The following KIDINS220 variants were observed in gnomAD, a reference collection of about 807,000 sequenced individuals.
The protein encoded by KIDINS220 is kinase D interacting substrate 220, also known as kinase D-interacting substrate of 220 kDa.
Under a neutral mutation model 157.6 loss-of-function variants are expected in KIDINS220, and 63 were observed. The observed-to-expected ratio is 0.40, with a 90% CI of 0.33 to 0.49. KIDINS220 has a LOEUF of 0.49. KIDINS220 is among the 20% of genes least tolerant of loss of function. The pLI is 0.66. For synonymous variants in KIDINS220, 732 were observed against 783.6 expected, an observed-to-expected ratio of 0.93 and a Z score of 1.10; for missense variants, 1,772 against 2,171.2, an observed-to-expected ratio of 0.82 and a Z score of 3.65.
chr2:8,747,664 A>G (rs897484293), intron 25 of KIDINS220: 18 of 386,492 alleles, frequency 4.7e-5, no homozygotes, highest in Non-Finnish European at 8.2e-5. Flanking sequence ...TTCTGGCTAT[A>G]AACAAGTCAA....
chr2:8,759,694 C>T (rs955932931), intron 22 of KIDINS220, among the ~76,000 whole-genome samples: 14 of 151,520 alleles, frequency 9.2e-5, no homozygotes, highest in African/African-American at 1.5e-4. Context: ...ATGTCTACGA[C>T]GTCGAATGTT....
chr2:8,808,806 G>A (rs937521165), intron 6 of KIDINS220, among the ~76,000 whole-genome samples: 3 of 152,074 alleles, frequency 2.0e-5, no homozygotes, highest in African/African-American at 7.2e-5. Context: ...TCTCATGTGG[G>A]TCTCTCCTGT....
intron 21 of KIDINS220, 27 bp downstream of exon 21, chr2:8,776,721 T>C: frequency 6.2e-7 from 1 of 1,600,748 alleles, no homozygotes; most frequent in Non-Finnish European, 8.5e-7. Context: ...TTATTAACTA[T>C]CATAGACAAT....
Position 8,789,947 on chromosome 2 carries a change from G to A in KIDINS220, c.1554C>T (p.Phe518=). The change falls in exon 14 of 30, where the codon TTC becomes TTT. Residue 518 remains phenylalanine, a synonymous_variant. Transcript: ENST00000256707. Reference sequence around the variant, plus strand: ...CTATTCCAAGATTTGGGTGGACCGTGAAGGCAAACAATAAACCAAGCCCTC... The same window carrying A: ...CTATTCCAAGATTTGGGTGGACCGTAAAGGCAAACAATAAACCAAGCCCTC... ...LCGGLGLLFA[F]TVHPNLGIAV... is the part of the protein sequence containing the mutation. 6.2e-7 allele frequency: 1 copy of A among 1,614,004 alleles called. No individual in the cohort carries two copies. Among genetic ancestry groups the A allele is most frequent in the Non-Finnish European group, 8.5e-7 (1 of 1,179,962 alleles).
chr2:8,793,423 G>A (rs1673474134), intron 12 of KIDINS220, among the ~76,000 whole-genome samples: 1 of 152,158 alleles, frequency 6.6e-6, no homozygotes, highest in Non-Finnish European at 1.5e-5. Context: ...TTAAGCCCAG[G>A]AATTTGAGGT....
chr2:8,794,210 G>C (rs1673598566), intron 11 of KIDINS220: 1 of 350,228 alleles, frequency 2.9e-6, no homozygotes, highest in African/African-American at 2.1e-5. Context: ...CAGCCCTCTA[G>C]AATGAAGGTC....
At chr2:8,817,028 T>C (rs926555917) in intron 4 of KIDINS220, among the ~76,000 whole-genome samples, 2 of 152,162 alleles carry the variant, frequency 1.3e-5, no homozygotes, top group Non-Finnish European at 2.9e-5. Flanking sequence ...TTTTCTTCCT[T>C]CCTTCTACTG....
rs1419810406 is a variant in KIDINS220, at chr2:8,731,008, C to T, written c.5028G>A (p.Leu1676=). ...GAGTCACGGTGCTGGGAGTTCGGTT[C>T]AGGTTGTAGGCTTTCTGGCATGCAG... ...NWPACQKAYN[L]NRTPSTVTLN... The change falls in exon 30 of 30, where the codon CTG becomes CTA. Residue 1676 remains leucine (L), a synonymous_variant. Coordinates refer to ENST00000256707, the MANE Select transcript of KIDINS220 (RefSeq NM_020738.4). This position sits in a 1 kb window ranked among gnomAD's most constrained non-coding sequence, Gnocchi z 5.2. The T allele has an allele frequency of 3.1e-6, 5 of 1,614,166 alleles. No homozygotes were observed. In the South Asian group the frequency reaches 3.3e-5, roughly 11 times the overall value.
intron 1 of KIDINS220, among the ~76,000 whole-genome samples, chr2:8,837,009 A>ACAATGGAG (rs1680509987): frequency 6.6e-6 from 1 of 152,188 alleles, no homozygotes; most frequent in Non-Finnish European, 1.5e-5. Flanking sequence ...CCTGCACAGG[A>ACAATGGAG]CAATGGAGCA....
At chr2:8,817,052 T>G (rs914656801) in intron 4 of KIDINS220, among the ~76,000 whole-genome samples, 1 of 152,168 alleles carries the variant, frequency 6.6e-6, no homozygotes, top group East Asian at 1.9e-4. Context: ...AAATCAACTT[T>G]TAAAAGGGCT....
intron 9 of KIDINS220, among the ~76,000 whole-genome samples, chr2:8,799,146 TC>T (rs1487020627): frequency 6.6e-6 from 1 of 152,076 alleles, no homozygotes; most frequent in Non-Finnish European, 1.5e-5. Context: ...ATGCCTACCA[TC>T]CCACTGCCCA....
chr2:8,731,695 C>T lies in KIDINS220; in HGVS notation c.4341G>A (p.Arg1447=), dbSNP rs1664122411. 6.2e-7 allele frequency: 1 copy of T among 1,614,074 alleles called. No homozygotes were observed. The highest frequency in any genetic ancestry group is 1.7e-5 in the Admixed American group (1 of 60,004). ...KDSEPKPDDG[R]KSFLMKRGDV... is the part of the protein sequence containing the mutation. ...CTCCCCTCTTCATTAGAAAGGACTTCCTCCCATCATCGGGCTTTGGTTCAC... is the reference window on the plus strand; with the variant it reads ...CTCCCCTCTTCATTAGAAAGGACTTTCTCCCATCATCGGGCTTTGGTTCAC... The change falls in exon 30 of 30, where the codon AGG becomes AGA. Residue 1447 remains arginine, a synonymous_variant. Transcript: ENST00000256707. The surrounding 1 kb of genome is among the most constrained non-coding windows in gnomAD (Gnocchi z 5.2).
intron 27 of KIDINS220, 65 bp downstream of exon 27, chr2:8,736,803 A>G: frequency 1.9e-6 from 3 of 1,563,414 alleles, no homozygotes; most frequent in Non-Finnish European, 2.6e-6. Flanking sequence ...AGTTTACACG[A>G]CCCACACAGT....
intron 1 of KIDINS220, among the ~76,000 whole-genome samples, chr2:8,828,337 C>T (rs1006980693): frequency 2.6e-5 from 4 of 152,188 alleles, no homozygotes; most frequent in African/African-American, 4.8e-5. Flanking sequence ...GTCAGGGTAC[C>T]GACCCCACAC....
chr2:8,747,098 G>A, intron 26 of KIDINS220, 47 bp downstream of exon 26: 2 of 1,531,192 alleles, frequency 1.3e-6, no homozygotes, highest in Non-Finnish European at 9.0e-7. Context: ...TACTGAGGCA[G>A]AAGCAATGAG....
intron 3 of KIDINS220, 145 bp downstream of exon 3, chr2:8,818,550 T>A (rs1677436523): frequency 5.4e-6 from 3 of 551,912 alleles, no homozygotes; most frequent in Non-Finnish European, 9.8e-6. Flanking sequence ...GTATTACTCC[T>A]TTTAAAAAAA....
chr2:8,758,588 T>C (rs1200255954), intron 22 of KIDINS220, among the ~76,000 whole-genome samples: 1 of 152,184 alleles, frequency 6.6e-6, no homozygotes, highest in Non-Finnish European at 1.5e-5. Context: ...TATTATTTCC[T>C]TCCTTCTGCT....
At chr2:8,787,475 C>T (rs1191515503) in intron 15 of KIDINS220, among the ~76,000 whole-genome samples, 1 of 151,256 alleles carries the variant, frequency 6.6e-6, no homozygotes, top group East Asian at 1.9e-4. Context: ...CTTAAGCAGT[C>T]CTCCCACTTC....
At chr2:8,739,993 G>A (rs2147990729) in intron 26 of KIDINS220, among the ~76,000 whole-genome samples, 1 of 152,310 alleles carries the variant, frequency 6.6e-6, no homozygotes, top group African/African-American at 2.4e-5. Context: ...GCACAAAACT[G>A]ATTAGCCAGA....
Sources: allele counts gnomAD v4.1 joint callset (sites outside exome capture counted in the v4.1 genomes callset), GRCh38; gene constraint gnomAD v4.1.1; non-coding constraint Gnocchi (gnomAD v3.1); transcripts MANE v1.5; gene names NCBI Gene and HGNC (gene_info 2026-07-23, HGNC 2026-07-21).